NIPAL4: variants seen among roughly 807,000 people sequenced by gnomAD.
NIPAL4 encodes the protein magnesium transporter NIPA4.
Under a neutral mutation model 31.6 loss-of-function variants are expected in NIPAL4, and 21 were observed. The observed-to-expected ratio is 0.67, with a 90% CI of 0.47 to 0.96. The LOEUF is 0.96. Ranked by LOEUF, NIPAL4 falls within the 40% of genes least tolerant of loss-of-function variation. The pLI, the probability that NIPAL4 is intolerant of heterozygous loss-of-function variation, is 0.00. For missense variants in NIPAL4, 438 were observed against 508.0 expected (o/e 0.86, Z 1.32); for synonymous variants, 175 against 211.1 (o/e 0.83, Z 1.48).
Position 157,472,850 on chromosome 5 carries a change from G to A in NIPAL4, c.1105G>A (p.Glu369Lys), listed in dbSNP as rs905635915. 1 of 1,581,824 alleles carries A rather than the reference G, an allele frequency of 6.3e-7. No individual in the cohort carries two copies. The highest frequency in any genetic ancestry group is 1.3e-5 in the African/African-American group (1 of 74,424). The change falls in exon 6 of 6, where the codon GAA becomes AAA. Residue 369 changes from glutamate (E) to lysine (K), a missense_variant. Transcript: ENST00000311946. ...HKNPPPSPAPEPTVIRLEDKN... is the reference protein window; with the variant it reads ...HKNPPPSPAPKPTVIRLEDKN... ...AAACCCACCCCCTTCTCCCGCCCCGGAACCCACTGTTATTAGACTGGAAGA... is the reference window on the plus strand; with the variant it reads ...AAACCCACCCCCTTCTCCCGCCCCGAAACCCACTGTTATTAGACTGGAAGA...
intron 5 of NIPAL4, among the ~76,000 whole-genome samples, chr5:157,472,055 G>T (rs934837010): frequency 2.0e-5 from 3 of 152,210 alleles, no homozygotes; most frequent in Admixed American, 2.0e-4. Flanking sequence ...GCACTGTTAT[G>T]AATGCTTTAT....
intron 2 of NIPAL4, among the ~76,000 whole-genome samples, chr5:157,465,270 G>A (rs1754221109): frequency 6.6e-6 from 1 of 152,164 alleles, no homozygotes; most frequent in South Asian, 2.1e-4. Context: ...AGGTATCATT[G>A]ACCATTCAGA....
intron 4 of NIPAL4, among the ~76,000 whole-genome samples, chr5:157,470,141 A>G (rs1421134792): frequency 2.0e-5 from 3 of 152,216 alleles, no homozygotes; most frequent in Non-Finnish European, 4.4e-5. Context: ...AAAAATAGCC[A>G]ATGTCCTGAG....
At chr5:157,460,869 C>T (rs1309170252) in intron 1 of NIPAL4, among the ~76,000 whole-genome samples, 1 of 152,108 alleles carries the variant, frequency 6.6e-6, no homozygotes, top group Non-Finnish European at 1.5e-5. Context: ...AGGCCCTTTA[C>T]CCGCATTATC....
In NIPAL4 at chr5:157,473,873, A is replaced by G. The variant is rs1418803019; in HGVS notation, c.*913A>G. 1 of 152,202 alleles carries G rather than the reference A, an allele frequency of 6.6e-6. No homozygotes were observed. Among genetic ancestry groups the G allele is most frequent in the African/African-American group, 2.4e-5 (1 of 41,426 alleles). The allele number at this position is 152,202 out of a possible 1,614,324, so 9.4% of individuals were successfully genotyped here. ...AGAATTTGGCAGAACGCACTTTACT[A>G]TTCCTCAAGGAGTCAACCAACCTAT... is the stretch of plus-strand genomic sequence containing the variant. On this transcript the variant is annotated 3_prime_UTR_variant, in exon 6 of 6. Coordinates refer to ENST00000311946, the MANE Select transcript of NIPAL4 (RefSeq NM_001099287.2).
At position 157,462,972 on chromosome 5, in the gene NIPAL4, G is replaced by A. The variant is rs537809300; in HGVS notation, c.38-122G>A. On this transcript the variant is annotated intron_variant, in intron 1 of 5. Coordinates refer to ENST00000311946, the MANE Select transcript of NIPAL4 (RefSeq NM_001099287.2). The stretch of plus-strand genomic sequence containing the variant: ...CATAATTATTTTTAGGTGGAGGCAC[G>A]GTATATGGGTATAGCCCTGCAGTAG... 1.6e-4 allele frequency: 192 copies of A among 1,235,214 alleles called. 4 individuals carry two copies. In the South Asian group the frequency reaches 2.8e-3, roughly 18 times the overall value. 76.5% of individuals were successfully genotyped at this position (1,235,214 alleles called of 1,614,324 possible).
At chr5:157,460,573 A>T (rs1754069033) in intron 1 of NIPAL4, 1 of 680,144 alleles carries the variant, frequency 1.5e-6, no homozygotes, top group East Asian at 2.9e-5. Context: ...GGAGTCAGGG[A>T]AGGAAAGTAT....
intron 2 of NIPAL4, among the ~76,000 whole-genome samples, chr5:157,465,553 A>G (rs1754248709): frequency 6.6e-6 from 1 of 152,214 alleles, no homozygotes; most frequent in African/African-American, 2.4e-5. Flanking sequence ...GTTACTGAGT[A>G]TTGACTACGT....
intron 2 of NIPAL4, among the ~76,000 whole-genome samples, chr5:157,465,644 A>C (rs1754251707): frequency 6.6e-6 from 1 of 152,182 alleles, no homozygotes; most frequent in Non-Finnish European, 1.5e-5. Flanking sequence ...TAAAATAAGA[A>C]GATCAACTAA....
At chr5:157,467,361 C>G (rs536742006) in intron 3 of NIPAL4, 1 of 436,330 alleles carries the variant, frequency 2.3e-6, no homozygotes, top group East Asian at 4.8e-5. Context: ...CTCAACTTGC[C>G]TTTAAACATA....
At chr5:157,467,166 G>A in intron 3 of NIPAL4, 61 bp downstream of exon 3, 1 of 1,135,358 alleles carries the variant, frequency 8.8e-7, no homozygotes, top group South Asian at 1.2e-5. Context: ...GGAGACAAAG[G>A]GAGGGGTGGG....
In NIPAL4 at chr5:157,472,408, A is replaced by C. The variant is rs745700118; in HGVS notation, c.663A>C (p.Gln221His). 10 of 1,613,578 alleles carry C rather than the reference A, an allele frequency of 6.2e-6. No homozygotes were observed. The East Asian group carries it at 2.0e-4, about 32-fold the overall frequency. Residue 221 changes from glutamine (Q) to histidine (H), a missense_variant, in exon 6 of 6, where the codon CAA becomes CAC. Transcript: ENST00000311946. ...TTGTCATTGCCCCACGTTACGGGCA[A>C]AGGAATATCCTCATCTACATCATCA... ...LIFVIAPRYG[Q>H]RNILIYIIIC...
intron 3 of NIPAL4, among the ~76,000 whole-genome samples, chr5:157,468,444 C>G (rs1754341098): frequency 6.6e-6 from 1 of 152,150 alleles, no homozygotes; most frequent in Non-Finnish European, 1.5e-5. Context: ...AGACTAGAAG[C>G]CAAGAGGCCT....
intron 3 of NIPAL4, chr5:157,467,361 C>A: frequency 2.3e-6 from 1 of 436,332 alleles, no homozygotes; most frequent in Non-Finnish European, 4.3e-6. Flanking sequence ...CTCAACTTGC[C>A]TTTAAACATA....
chr5:157,461,558 C>T (rs367919058), intron 1 of NIPAL4, among the ~76,000 whole-genome samples: 5 of 152,234 alleles, frequency 3.3e-5, no homozygotes, highest in African/African-American at 9.7e-5. Context: ...GGCTCATTTC[C>T]TGGGCTCAGG....
In NIPAL4 at chr5:157,463,155, C is replaced by T; in HGVS notation, c.99C>T (p.Leu33=). The T allele has an allele frequency of 2.5e-6, 4 of 1,614,044 alleles. No homozygotes were observed. Among genetic ancestry groups the T allele is most frequent in the Non-Finnish European group, 2.5e-6 (3 of 1,179,890 alleles). ...TCCTGTGCCAGATTGTCAATGACCT[C>T]AGCCCTGAGGTGCCCAGCAATGCCA... is the stretch of plus-strand genomic sequence containing the variant. ...QEVLCQIVND[L]SPEVPSNATF... is the part of the protein sequence containing the mutation. The change falls in exon 2 of 6, where the codon CTC becomes CTT. Residue 33 remains leucine, a synonymous_variant. Coordinates refer to ENST00000311946, the MANE Select transcript of NIPAL4 (RefSeq NM_001099287.2).
chr5:157,463,007 A>T, intron 1 of NIPAL4, 87 bp from the exon 2 acceptor site: 1 of 1,539,926 alleles, frequency 6.5e-7, no homozygotes, highest in Non-Finnish European at 8.9e-7. Context: ...GCGGAAGCAC[A>T]GGGTTTGAAA....
intron 2 of NIPAL4, 60 bp downstream of exon 2, chr5:157,463,393 G>T: frequency 6.6e-7 from 1 of 1,520,192 alleles, no homozygotes; most frequent in South Asian, 1.3e-5. Context: ...ACAAGGTCCG[G>T]GGCTGTAGTC....
intron 5 of NIPAL4, 24 bp downstream of exon 5, chr5:157,471,841 C>T (rs1253906063): frequency 6.4e-7 from 1 of 1,555,888 alleles, no homozygotes; most frequent in Non-Finnish European, 8.7e-7. Context: ...CCCTGAAGAG[C>T]AGGAAAATAC....
Sources: gnomAD v4.1 joint callset for allele counts (sites outside exome capture counted in the v4.1 genomes callset) on GRCh38, gnomAD v4.1.1 for gene constraint, MANE v1.5 for transcripts, NCBI Gene and HGNC (gene_info 2026-07-23, HGNC 2026-07-21) for gene names.